SDK1: variants seen among roughly 807,000 people sequenced by gnomAD.
SDK1 encodes protein sidekick-1.
In SDK1, 157 loss-of-function variants were observed where a neutral mutation model predicts 245.5. The ratio of observed to expected loss-of-function variants is 0.64; its 90% confidence interval spans 0.56 to 0.73. The LOEUF (loss-of-function observed/expected upper bound fraction) is 0.73, where lower values mean the gene tolerates loss of function less well. SDK1 is among the 30% of genes least tolerant of loss of function. The probability of loss-of-function intolerance (pLI) is 0.00; values close to 1 mark genes in which losing one functional copy is unlikely to be tolerated. For missense variants in SDK1, 3,583 were observed against 3,002.3 expected (o/e 1.19, Z -4.52); for synonymous variants, 1,647 against 1,278.5 (o/e 1.29, Z -6.15).
intron 19 of SDK1, among the ~76,000 whole-genome samples, chr7:4,066,223 C>T (rs1779888168): frequency 6.6e-6 from 1 of 152,192 alleles, no homozygotes; most frequent in Non-Finnish European, 1.5e-5. Context: ...CTATGTTTCT[C>T]CTGAACGGGT....
At chr7:3,558,770 T>G (rs1301031895) in intron 1 of SDK1, among the ~76,000 whole-genome samples, 2 of 152,274 alleles carry the variant, frequency 1.3e-5, no homozygotes, top group African/African-American at 4.8e-5. Context: ...TTCAGTTTTT[T>G]AATTCAGCAG....
intron 4 of SDK1, among the ~76,000 whole-genome samples, chr7:3,669,113 A>C (rs1783619616): frequency 6.6e-6 from 1 of 152,236 alleles, no homozygotes; most frequent in South Asian, 2.1e-4. Context: ...AAGAAGTAGA[A>C]TATTAGGAGT....
intron 4 of SDK1, among the ~76,000 whole-genome samples, chr7:3,720,985 C>G (rs1327649025): frequency 6.6e-6 from 1 of 152,202 alleles, no homozygotes; most frequent in African/African-American, 2.4e-5. Context: ...GTGAGAAAAG[C>G]CAATCTCAAA....
intron 44 of SDK1, among the ~76,000 whole-genome samples, chr7:4,251,497 C>T (rs772996497): frequency 2.0e-5 from 3 of 152,198 alleles, no homozygotes; most frequent in South Asian, 2.1e-4. Context: ...TAGCCTTGCA[C>T]TTATAGCAAA....
At position 3,921,771 on chromosome 7, in the gene SDK1, G is replaced by A. The variant is rs1471711973; in HGVS notation, c.848-29152G>A. ...ACTTGAGCCCAGGAGCTCAAGAGCAGCCTGGGCAATATTACCAGACCCCAT... is the reference window on the plus strand; with the variant it reads ...ACTTGAGCCCAGGAGCTCAAGAGCAACCTGGGCAATATTACCAGACCCCAT... On this transcript the variant is annotated intron_variant, in intron 5 of 44. Coordinates refer to ENST00000404826, the MANE Select transcript of SDK1 (RefSeq NM_152744.4). Among the ~76,000 whole-genome samples, 4 of 152,092 alleles carry A rather than the reference G, an allele frequency of 2.6e-5. No homozygotes were observed. The East Asian group carries it at 5.8e-4, about 22-fold the overall frequency.
chr7:3,304,857 G>C (rs1779376183), intron 1 of SDK1, among the ~76,000 whole-genome samples: 1 of 152,198 alleles, frequency 6.6e-6, no homozygotes. Flanking sequence ...TCTGATGCCT[G>C]GATGTCACTC....
At chr7:4,108,604 C>T (rs75511566) in intron 22 of SDK1, among the ~76,000 whole-genome samples, 6,147 of 151,878 alleles carry the variant, frequency 0.04, 416 homozygotes, top group African/African-American at 0.14. Context: ...CGCTGACCTC[C>T]AGCTCGTTCT....
Position 4,113,328 on chromosome 7 carries a change from C to G in SDK1, c.3474C>G (p.Pro1158=), listed in dbSNP as rs1248280512. 6 of 1,613,940 alleles carry G rather than the reference C, an allele frequency of 3.7e-6. No individual in the cohort carries two copies. Among genetic ancestry groups the G allele is most frequent in the Non-Finnish European group, 5.1e-6 (6 of 1,180,034 alleles). The part of the protein sequence containing the change: ...MKQVNIVGPS[P]YSPSSRVIQT... ...AAGTGAACATTGTTGGGCCGAGCCC[C>G]TACAGTCCGTCTTCCCGGGTCATCC... The change falls in exon 24 of 45, where the codon CCC becomes CCG. Residue 1158 remains proline (P), a synonymous_variant. Coordinates refer to ENST00000404826, the MANE Select transcript of SDK1 (RefSeq NM_152744.4).
chr7:3,484,304 C>A (rs185773403), intron 1 of SDK1, among the ~76,000 whole-genome samples: 1 of 152,072 alleles, frequency 6.6e-6, no homozygotes, highest in East Asian at 1.9e-4. Flanking sequence ...TTTTTTCAAC[C>A]AAACATAGAT....
intron 28 of SDK1, among the ~76,000 whole-genome samples, chr7:4,138,022 C>T (rs533738552): frequency 4.6e-5 from 7 of 152,244 alleles, no homozygotes; most frequent in South Asian, 4.1e-4. Context: ...TTCAGCAGAC[C>T]GTGGTGTGGC....
At chr7:4,034,992 T>A (rs1315030097) in intron 17 of SDK1, among the ~76,000 whole-genome samples, 2 of 152,220 alleles carry the variant, frequency 1.3e-5, no homozygotes, top group Non-Finnish European at 2.9e-5. Flanking sequence ...AATTAATTTT[T>A]TTTGGAGACG....
chr7:3,854,254 G>A (rs958437975), intron 5 of SDK1, among the ~76,000 whole-genome samples: 1 of 152,144 alleles, frequency 6.6e-6, no homozygotes, highest in Non-Finnish European at 1.5e-5. Context: ...TCTCAACTCT[G>A]TTCCTTCCTA....
intron 1 of SDK1, among the ~76,000 whole-genome samples, chr7:3,473,461 A>G (rs1781246514): frequency 6.6e-6 from 1 of 152,216 alleles, no homozygotes; most frequent in African/African-American, 2.4e-5. Context: ...GGAATTGTAT[A>G]GCATTTACAA....
At chr7:3,814,463 T>C in intron 4 of SDK1, among the ~76,000 whole-genome samples, 1 of 151,828 alleles carries the variant, frequency 6.6e-6, no homozygotes, top group Non-Finnish European at 1.5e-5. Context: ...TTCTGTTCCG[T>C]TGATCTGTAT....
Position 4,178,028 on chromosome 7 carries a change from C to A in SDK1, c.4997-457C>A, listed in dbSNP as rs544495190. Among the ~76,000 whole-genome samples the A allele has an allele frequency of 6.6e-5, 10 of 152,330 alleles. No homozygotes were observed. The South Asian group carries it at 2.1e-3, about 32-fold the overall frequency. The stretch of plus-strand genomic sequence containing the variant: ...GCAGTTCCCAATAGGGTTTGCACTT[C>A]TGTGAGAGTCTAAGCTGATCTGACA... On this transcript the variant is annotated intron_variant, in intron 34 of 44. Coordinates refer to ENST00000404826, the MANE Select transcript of SDK1 (RefSeq NM_152744.4).
intron 4 of SDK1, among the ~76,000 whole-genome samples, chr7:3,786,902 T>C (rs1780918453): frequency 6.6e-6 from 1 of 152,000 alleles, no homozygotes; most frequent in Non-Finnish European, 1.5e-5. Flanking sequence ...CTAATCCATA[T>C]AAAAGTCATA....
At chr7:3,440,633 A>T (rs1163374229) in intron 1 of SDK1, among the ~76,000 whole-genome samples, 3 of 152,172 alleles carry the variant, frequency 2.0e-5, no homozygotes. Flanking sequence ...TGTGCCAGAG[A>T]GAAGATAGAA....
chr7:3,359,434 A>G (rs763525227), intron 1 of SDK1, among the ~76,000 whole-genome samples: 1 of 152,230 alleles, frequency 6.6e-6, no homozygotes, highest in African/African-American at 2.4e-5. Flanking sequence ...ATCTTAGGGA[A>G]GGTGGCAAGT....
chr7:3,968,968 C>G (rs1782279405), intron 10 of SDK1, among the ~76,000 whole-genome samples: 1 of 152,166 alleles, frequency 6.6e-6, no homozygotes, highest in African/African-American at 2.4e-5. Context: ...GCGCATCTCA[C>G]AAGGCTGCAA....
Sources: allele counts gnomAD v4.1 joint callset (sites outside exome capture counted in the v4.1 genomes callset), GRCh38; gene constraint gnomAD v4.1.1; transcripts MANE v1.5; gene names NCBI Gene and HGNC (gene_info 2026-07-23, HGNC 2026-07-21).